The following DYNLT3 variants were observed in gnomAD, a reference collection of about 807,000 sequenced individuals.
The protein encoded by DYNLT3 is dynein light chain Tctex-type 3.
Under a neutral mutation model 11.0 loss-of-function variants are expected in DYNLT3, and 4 were observed. The observed-to-expected ratio is 0.36, with a 90% CI of 0.18 to 0.83. The LOEUF (loss-of-function observed/expected upper bound fraction) is 0.83. Ranked by LOEUF, DYNLT3 falls within the 40% of genes least tolerant of loss-of-function variation. The probability of loss-of-function intolerance (pLI) is 0.47; values close to 1 mark genes in which losing one functional copy is unlikely to be tolerated. For missense variants in DYNLT3, 91 were observed against 91.1 expected (o/e 1.00, Z 0.01); for synonymous variants, 37 against 31.2 (o/e 1.18, Z -0.61).
rs549628016 is a variant in DYNLT3, at chrX:37,840,789, C to T, written c.275-138G>A. 9,887 of 216,962 alleles carry T rather than the reference C, an allele frequency of 0.046. 73 individuals are homozygous for T. Among genetic ancestry groups the T allele is most frequent in the Middle Eastern group, 0.066 (53 of 807 alleles). 17.9% of individuals were successfully genotyped at this position (216,962 alleles called of 1,213,427 possible). On this transcript the variant is annotated intron_variant, in intron 4 of 4. Transcript: ENST00000378578. The stretch of plus-strand genomic sequence containing the variant: ...ACACACACACACACACACACACACA[C>T]ATATATATATATATATATACACATA...
Position 37,842,426 on chromosome X carries a change from T to C in DYNLT3, c.73-521A>G, listed in dbSNP as rs556897415. 5.5e-5 allele frequency among the ~76,000 whole-genome samples: 6 copies of C among 109,956 alleles called. No homozygotes were observed. In the East Asian group the frequency reaches 1.7e-3, roughly 30 times the overall value. Reference sequence around the variant, plus strand: ...TTCATACTATGTGATTGTTTAGCTATGAAACAACAACTGATTATATTCTCA... The same window carrying C: ...TTCATACTATGTGATTGTTTAGCTACGAAACAACAACTGATTATATTCTCA... On this transcript the variant is annotated intron_variant, in intron 2 of 4. Coordinates refer to ENST00000378578, the MANE Select transcript of DYNLT3 (RefSeq NM_006520.3).
chrX:37,840,751 TACAC>T (rs748163046), intron 4 of DYNLT3, 100 bp from the exon 5 acceptor site: 59,089 of 310,497 alleles, frequency 0.19, 3,015 homozygotes, highest in South Asian at 0.31. Flanking sequence ...CACACACATA[TACAC>T]ACACACACAC....
chrX:37,843,801 T>A (rs1437182403), intron 2 of DYNLT3, among the ~76,000 whole-genome samples: 1 of 111,407 alleles, frequency 9.0e-6, no homozygotes, highest in African/African-American at 3.3e-5. Flanking sequence ...ATAAGATCAA[T>A]AAGAAAATAA....
chrX:37,840,783 CACACACAT>C (rs1930136895), intron 4 of DYNLT3, 132 bp from the exon 5 acceptor site: 14 of 394,115 alleles, frequency 3.6e-5, no homozygotes, highest in South Asian at 1.2e-4. Flanking sequence ...CACACACACA[CACACACAT>C]ATATATATAT....
At chrX:37,845,814 T>C (rs1449297734) in intron 2 of DYNLT3, among the ~76,000 whole-genome samples, 1 of 112,688 alleles carries the variant, frequency 8.9e-6, no homozygotes, top group African/African-American at 3.2e-5. Context: ...AGCCTCAAGA[T>C]GCTGATAGCA....
intron 1 of DYNLT3, chrX:37,847,050 G>A (rs1278055766): frequency 8.6e-7 from 1 of 1,166,548 alleles, no homozygotes; most frequent in Non-Finnish European, 1.1e-6. Context: ...TACCGGGAGC[G>A]GGAATGGCAG....
At chrX:37,842,266 G>A (rs756161501) in intron 2 of DYNLT3, among the ~76,000 whole-genome samples, 1 of 111,699 alleles carries the variant, frequency 9.0e-6, no homozygotes, top group South Asian at 3.7e-4. Context: ...ATTATGGTGG[G>A]GAAATTAAAA....
chrX:37,843,201 G>A (rs1396557130), intron 2 of DYNLT3, among the ~76,000 whole-genome samples: 1 of 112,519 alleles, frequency 8.9e-6, no homozygotes, highest in Non-Finnish European at 1.9e-5. Context: ...AAGGGTAGTG[G>A]CTTAAGGATC....
chrX:37,842,028 CT>C (rs1252206437), intron 2 of DYNLT3, 123 bp from the exon 3 acceptor site: 2 of 656,550 alleles, frequency 3.0e-6, no homozygotes, highest in African/African-American at 2.2e-5. Context: ...AATAAGGCAT[CT>C]TAGAAAATAT....
Sources: allele counts gnomAD v4.1 joint callset (sites outside exome capture counted in the v4.1 genomes callset), GRCh38; gene constraint gnomAD v4.1.1; transcripts MANE v1.5; gene names NCBI Gene and HGNC (gene_info 2026-07-23, HGNC 2026-07-21).